Variants in ARHGAP26 observed in about 807,000 individuals in gnomAD.
ARHGAP26 encodes rho GTPase-activating protein 26.
Under a neutral mutation model 104.8 loss-of-function variants are expected in ARHGAP26, and 38 were observed. The ratio of observed to expected loss-of-function variants is 0.36; its 90% CI spans 0.28 to 0.48. The LOEUF is 0.48. Ranked by LOEUF, ARHGAP26 falls within the 20% of genes least tolerant of loss-of-function variation. ARHGAP26 has a pLI of 0.99. For synonymous variants in ARHGAP26, 341 were observed against 340.0 expected, an observed-to-expected ratio of 1.00 and a Z score of -0.03; for missense variants, 704 against 947.9, an observed-to-expected ratio of 0.74 and a Z score of 3.38.
chr5:142,782,849 G>A (rs1424971787), intron 1 of ARHGAP26, among the ~76,000 whole-genome samples: 1 of 152,166 alleles, frequency 6.6e-6, no homozygotes, highest in East Asian at 1.9e-4. Context: ...ACCTGTTATT[G>A]GAATCTGCCT....
chr5:143,010,029 A>G (rs1028764946), intron 11 of ARHGAP26, among the ~76,000 whole-genome samples: 6 of 152,338 alleles, frequency 3.9e-5, no homozygotes, highest in African/African-American at 1.4e-4. Context: ...GCTATGGTCA[A>G]AGTGATCTTT....
At chr5:143,017,621 T>C (rs1779768308) in intron 12 of ARHGAP26, among the ~76,000 whole-genome samples, 2 of 152,250 alleles carry the variant, frequency 1.3e-5, no homozygotes, top group South Asian at 4.1e-4. Context: ...TGTTAATAAA[T>C]GGTTCTGGGT....
intron 17 of ARHGAP26, among the ~76,000 whole-genome samples, chr5:143,062,146 A>G (rs1357466021): frequency 6.6e-6 from 1 of 152,262 alleles, no homozygotes; most frequent in East Asian, 1.9e-4. Context: ...TGCTAACACA[A>G]TCAAGATATA....
chr5:142,810,169 C>G (rs1241937306), intron 1 of ARHGAP26, among the ~76,000 whole-genome samples: 1 of 152,118 alleles, frequency 6.6e-6, no homozygotes, highest in East Asian at 1.9e-4. Flanking sequence ...TTAGTTTTGT[C>G]TGGGAGGGGC....
chr5:143,015,018 T>C (rs756098864), intron 12 of ARHGAP26, among the ~76,000 whole-genome samples: 15 of 151,942 alleles, frequency 9.9e-5, no homozygotes, highest in South Asian at 4.1e-4. Context: ...CAGAGATTTT[T>C]CCCCCCCTTT....
At chr5:143,117,310 C>T (rs1795590684) in intron 17 of ARHGAP26, among the ~76,000 whole-genome samples, 1 of 152,196 alleles carries the variant, frequency 6.6e-6, no homozygotes, top group Non-Finnish European at 1.5e-5. Flanking sequence ...GCCTGTTTCC[C>T]ATGCATCTGT....
intron 6 of ARHGAP26, among the ~76,000 whole-genome samples, chr5:142,897,389 A>C (rs957669208): frequency 1.3e-5 from 2 of 152,248 alleles, no homozygotes; most frequent in Admixed American, 1.3e-4. Flanking sequence ...GCTTTTCTAC[A>C]GAAGTTATTG....
chr5:142,821,621 C>T (rs1766211750), intron 1 of ARHGAP26, among the ~76,000 whole-genome samples: 1 of 152,038 alleles, frequency 6.6e-6, no homozygotes. Flanking sequence ...ATCTTGGGCC[C>T]CATCTGGTAG....
chr5:143,115,781 A>G (rs1252082114), intron 17 of ARHGAP26, among the ~76,000 whole-genome samples: 1 of 152,198 alleles, frequency 6.6e-6, no homozygotes, highest in Non-Finnish European at 1.5e-5. Context: ...ATATGTGAGG[A>G]AACAGGTTTA....
At chr5:143,093,869 C>T (rs1315724141) in intron 17 of ARHGAP26, among the ~76,000 whole-genome samples, 1 of 152,212 alleles carries the variant, frequency 6.6e-6, no homozygotes, top group Non-Finnish European at 1.5e-5. Context: ...CAACCCCACA[C>T]CATGGGGATT....
chr5:142,902,000 C>T lies in ARHGAP26; in HGVS notation c.663C>T (p.Phe221=), dbSNP rs771356025. 1.2e-5 allele frequency: 19 copies of T among 1,613,814 alleles called. No individual in the cohort carries two copies. Among genetic ancestry groups the T allele is most frequent in the African/African-American group, 6.7e-5 (5 of 74,896 alleles). Residue 221 remains phenylalanine (F), a synonymous_variant, in exon 7 of 23, where the codon TTC becomes TTT. Coordinates refer to ENST00000645722, the MANE Select transcript of ARHGAP26 (RefSeq NM_001135608.3). Reference sequence around the variant, plus strand: ...ATGGTTACGAACTGGCCAAGGATTTCGGGGACTTCAAGACACAGTTAACCA... The same window carrying T: ...ATGGTTACGAACTGGCCAAGGATTTTGGGGACTTCAAGACACAGTTAACCA... ...YHHGYELAKD[F]GDFKTQLTIS...
chr5:143,209,443 G>T (rs1360525236), intron 21 of ARHGAP26, among the ~76,000 whole-genome samples: 4 of 152,090 alleles, frequency 2.6e-5, no homozygotes, highest in Non-Finnish European at 5.9e-5. Context: ...GCCATTGTTA[G>T]AATAGCACTA....
At chr5:143,215,515 A>G (rs1277851124) in intron 22 of ARHGAP26, among the ~76,000 whole-genome samples, 4 of 152,218 alleles carry the variant, frequency 2.6e-5, no homozygotes, top group South Asian at 2.1e-4. Context: ...GTACAATTCA[A>G]TGGTTTTTAG....
intron 14 of ARHGAP26, among the ~76,000 whole-genome samples, chr5:143,050,602 A>G (rs1243542444): frequency 6.6e-6 from 1 of 152,214 alleles, no homozygotes; most frequent in Non-Finnish European, 1.5e-5. Context: ...TTTCTGAAGA[A>G]ATCAAAATGC....
intron 17 of ARHGAP26, among the ~76,000 whole-genome samples, chr5:143,076,748 A>G (rs960536586): frequency 1.3e-5 from 2 of 152,246 alleles, no homozygotes; most frequent in African/African-American, 2.4e-5. Context: ...CATAAATGCT[A>G]TCAGGGTATA....
chr5:142,937,567 G>A (rs1457325251), intron 11 of ARHGAP26, among the ~76,000 whole-genome samples: 1 of 152,180 alleles, frequency 6.6e-6, no homozygotes, highest in African/African-American at 2.4e-5. Context: ...AATGAAAACT[G>A]TTCGCACAAA....
chr5:142,800,320 G>GTC (rs554534447), intron 1 of ARHGAP26, among the ~76,000 whole-genome samples: 9 of 150,848 alleles, frequency 6.0e-5, no homozygotes, highest in African/African-American at 2.2e-4. Flanking sequence ...GTCTGTCTCT[G>GTC]TCTCTCTCTC....
At chr5:142,849,115 C>A (rs1751022368) in intron 1 of ARHGAP26, among the ~76,000 whole-genome samples, 1 of 152,182 alleles carries the variant, frequency 6.6e-6, no homozygotes, top group South Asian at 2.1e-4. Flanking sequence ...CTCTGAGCCA[C>A]AAACAACACT....
chr5:143,041,883 C>T lies in ARHGAP26; in HGVS notation c.1278C>T (p.Val426=). The T allele has an allele frequency of 6.3e-7, 1 of 1,589,956 alleles. No homozygotes were observed. Residue 426 remains valine, a synonymous_variant, in exon 14 of 23, where the codon GTC becomes GTT. Coordinates refer to ENST00000645722, the MANE Select transcript of ARHGAP26 (RefSeq NM_001135608.3). The part of the protein sequence containing the change: ...VNSRVQKLLS[V]LMDPKTASET... The stretch of plus-strand genomic sequence containing the variant: ...CCAGAGTGCAGAAGTTGCTGAGTGT[C>T]CTGATGGGTGAGTGCCGCAGTGGCT...
Sources: gnomAD v4.1 joint callset for allele counts (sites outside exome capture counted in the v4.1 genomes callset) on GRCh38, gnomAD v4.1.1 for gene constraint, MANE v1.5 for transcripts, NCBI Gene and HGNC (gene_info 2026-07-23, HGNC 2026-07-21) for gene names.